The following CD163 variants were observed in gnomAD, a reference collection of about 807,000 sequenced individuals.
The protein encoded by CD163 is CD163 molecule.
In CD163, 64 loss-of-function variants were observed where a neutral mutation model predicts 129.2. That is an observed-to-expected ratio of 0.50 (90% CI 0.41 to 0.61). The LOEUF is 0.61. CD163 is among the 20% of genes least tolerant of loss of function. The pLI, the probability that CD163 is intolerant of heterozygous loss-of-function variation, is 0.00. For synonymous variants in CD163, 446 were observed against 478.5 expected (o/e 0.93, Z 0.89); for missense variants, 1,061 against 1,377.9 (o/e 0.77, Z 3.64).
At chr12:7,502,257 A>G in intron 2 of CD163, among the ~76,000 whole-genome samples, 1 of 152,156 alleles carries the variant, frequency 6.6e-6, no homozygotes, top group East Asian at 1.9e-4. Context: ...TTTAAGTAAA[A>G]TTCATTTCTC....
chr12:7,482,798 T>A, intron 13 of CD163, 36 bp from the exon 14 acceptor site: 1 of 1,611,210 alleles, frequency 6.2e-7, no homozygotes, highest in Non-Finnish European at 8.5e-7. Context: ...TATGATCATG[T>A]CTTATCGAAA....
chr12:7,502,680 C>A (rs753836632), intron 1 of CD163, 116 bp from the exon 2 acceptor site: 4 of 687,384 alleles, frequency 5.8e-6, no homozygotes, highest in East Asian at 2.7e-5. Context: ...GAAAACTCTT[C>A]ATTCTAAATT....
rs764303755 is a variant in CD163, at chr12:7,487,688, G to A, written c.1736-15C>T. The A allele has an allele frequency of 4.3e-6, 7 of 1,614,016 alleles. No individual in the cohort carries two copies. Among genetic ancestry groups the A allele is most frequent in the Non-Finnish European group, 5.9e-6 (7 of 1,179,990 alleles). ...TTCTGTGTATCCTGGAAGGAGACAG[G>A]GCTTTAGAAAAAGACAGCTATGACT... On this transcript the variant is annotated splice_polypyrimidine_tract_variant and intron_variant, in intron 7 of 16. Transcript: ENST00000432237. This position sits in a 1 kb window ranked among gnomAD's most constrained non-coding sequence, Gnocchi z 5.1.
intron 6 of CD163, among the ~76,000 whole-genome samples, chr12:7,488,630 A>C (rs1949288762): frequency 6.6e-6 from 1 of 152,164 alleles, no homozygotes; most frequent in Admixed American, 6.6e-5. Flanking sequence ...TGCTTTATCA[A>C]AACATTTCGT....
chr12:7,485,345 T>G lies in CD163; in HGVS notation c.2530A>C (p.Asn844His). ...TTGCCAACAGTGCCCCAAGCTCCAT[T>G]GTAAAAAACTTCCAGACGCCCTGCA... ...ACAGRLEVFY[N>H]GAWGTVGKSS... The change falls in exon 11 of 17, where the codon AAT becomes CAT. Residue 844 changes from asparagine (N) to histidine (H), a missense_variant. Asn to His is a moderately conservative substitution (Grantham distance 68). Coordinates refer to ENST00000432237, the MANE Select transcript of CD163 (RefSeq NM_203416.4). The surrounding 1 kb of genome is among the most constrained non-coding windows in gnomAD (Gnocchi z 4.5). 1 of 1,614,198 alleles carries G rather than the reference T, an allele frequency of 6.2e-7. No individual in the cohort carries two copies. The highest frequency in any genetic ancestry group is 8.5e-7 in the Non-Finnish European group (1 of 1,180,022).
intron 10 of CD163, 134 bp downstream of exon 10, chr12:7,486,365 C>G: frequency 1.2e-6 from 1 of 819,676 alleles, no homozygotes; most frequent in South Asian, 1.8e-5. Flanking sequence ...ACCCAGACTT[C>G]TGTTGTCCTG....
Position 7,496,913 on chromosome 12 carries a change from A to C in CD163, c.999T>G (p.Val333=). ...TAGCAGGTTCATGTCCCTGGCAAGA[A>C]ACGCTGTCAAGCCAGATGTGTCCAA... ...KGFGHIWLDS[V]SCQGHEPAIW... is the part of the protein sequence containing the mutation. The change falls in exon 5 of 17, where the codon GTT becomes GTG. Residue 333 remains valine, a synonymous_variant. Transcript: ENST00000432237. The surrounding 1 kb of genome is among the most constrained non-coding windows in gnomAD (Gnocchi z 4.8). The C allele has an allele frequency of 6.2e-7, 1 of 1,614,132 alleles. No individual in the cohort carries two copies. The highest frequency in any genetic ancestry group is 8.5e-7 in the Non-Finnish European group (1 of 1,179,992).
At chr12:7,499,579 T>C (rs1299694574) in intron 3 of CD163, among the ~76,000 whole-genome samples, 1 of 152,216 alleles carries the variant, frequency 6.6e-6, no homozygotes, top group African/African-American at 2.4e-5. Context: ...TTAACTCCAC[T>C]GGTAGTTATA....
chr12:7,489,695 T>C (rs1045812969), intron 6 of CD163, among the ~76,000 whole-genome samples: 1 of 152,080 alleles, frequency 6.6e-6, no homozygotes, highest in African/African-American at 2.4e-5. Context: ...CACTGTGTAA[T>C]TCCTGTGAGG....
chr12:7,496,982 T>G lies in CD163; in HGVS notation c.930A>C (p.Pro310=). 6.2e-7 allele frequency: 1 copy of G among 1,614,050 alleles called. No homozygotes were observed. The highest frequency in any genetic ancestry group is 1.1e-5 in the South Asian group (1 of 91,084). The part of the protein sequence containing the change: ...AAVACKQLGC[P]TAVTAIGRVN... ...CTCGACCAATGGCTGTGACGGCAGT[T>G]GGACATCCCAGTTGCTTGCATGCCA... is the stretch of plus-strand genomic sequence containing the variant. Residue 310 remains proline (P), a synonymous_variant, in exon 5 of 17, where the codon CCA becomes CCC. Transcript: ENST00000432237. This position sits in a 1 kb window ranked among gnomAD's most constrained non-coding sequence, Gnocchi z 4.8.
Position 7,501,455 on chromosome 12 carries a change from T to C in CD163, c.141A>G (p.Thr47=). ...ACFVTSSLGG[T]DKELRLVDGE... ...CATCCACTAGCCTCAGCTCCTTGTC[T>C]GTTCCTCCTGCAACAATGGATTAAG... The change falls in exon 3 of 17, where the codon ACA becomes ACG. Residue 47 remains threonine (T), a synonymous_variant. Transcript: ENST00000432237. 6.2e-7 allele frequency: 1 copy of C among 1,613,178 alleles called. No individual in the cohort carries two copies. The highest frequency in any genetic ancestry group is 8.5e-7 in the Non-Finnish European group (1 of 1,179,318).
Position 7,486,919 on chromosome 12 carries a change from T to C in CD163, c.2118A>G (p.Pro706=), listed in dbSNP as rs1034757605. ...CTATGCAGGCCACAGCACTTTCTTC[T>C]GGAATGGTAGGCCTTGTTGGGCCCA... ...SSLGPTRPTI[P]EESAVACIES... Residue 706 remains proline, a synonymous_variant, in exon 9 of 17, where the codon CCA becomes CCG. Coordinates refer to ENST00000432237, the MANE Select transcript of CD163 (RefSeq NM_203416.4). 2.5e-5 allele frequency: 41 copies of C among 1,614,012 alleles called. No individual in the cohort carries two copies. Among genetic ancestry groups the C allele is most frequent in the Non-Finnish European group, 3.5e-5 (41 of 1,179,964 alleles).
chr12:7,486,466 T>C (rs1949249760), intron 10 of CD163, 33 bp downstream of exon 10: 2 of 1,581,006 alleles, frequency 1.3e-6, no homozygotes, highest in African/African-American at 2.7e-5. Context: ...TTTCTCTATG[T>C]AATTATGACC....
chr12:7,488,055 T>A lies in CD163; in HGVS notation c.1453A>T (p.Ile485Phe). 6.2e-7 allele frequency: 1 copy of A among 1,613,772 alleles called. No homozygotes were observed. The highest frequency in any genetic ancestry group is 2.2e-5 in the East Asian group (1 of 44,828). Residue 485 changes from isoleucine to phenylalanine, a missense_variant, in exon 7 of 17, where the codon ATT (isoleucine) becomes TTT (phenylalanine). Physicochemically the swap from Ile to Phe is conservative, Grantham distance 21. Transcript: ENST00000432237. ...ACTTCAACACGTCCAGAACAGGGAA[T>A]GTCCCCTCCAACCAGTCTGGGTTCC... is the stretch of plus-strand genomic sequence containing the variant. Reference protein sequence around the residue: ...HREPRLVGGDIPCSGRVEVKH... With the variant: ...HREPRLVGGDFPCSGRVEVKH...
rs750921700 is a variant in CD163 at position 7,499,211 on chromosome 12, G to A, written c.458-23C>T. The A allele has an allele frequency of 1.3e-5, 20 of 1,571,562 alleles. No individual in the cohort carries two copies. In the Admixed American group the frequency reaches 2.8e-4, roughly 22 times the overall value. ...CATCTGGAGCAGAGAAAAGACCAGA[G>A]TTCAGAAGTTACATTCATTTAGAAG... On this transcript the variant is annotated intron_variant, in intron 3 of 16. Coordinates refer to ENST00000432237, the MANE Select transcript of CD163 (RefSeq NM_203416.4).
Position 7,502,595 on chromosome 12 carries a change from A to G in CD163, c.47-31T>C, listed in dbSNP as rs1318807574. 6 of 1,147,748 alleles carry G rather than the reference A, an allele frequency of 5.2e-6. No homozygotes were observed. In the East Asian group the frequency reaches 1.3e-4, roughly 24 times the overall value. 71.1% of individuals were successfully genotyped at this position (1,147,748 alleles called of 1,614,324 possible). On this transcript the variant is annotated intron_variant, in intron 1 of 16. Transcript: ENST00000432237. ...AAAAAGAAAAGAGGGCAAAAGTAGCATCTTCCCAAAAAGAGACTTTGGAGA... is the reference window on the plus strand; with the variant it reads ...AAAAAGAAAAGAGGGCAAAAGTAGCGTCTTCCCAAAAAGAGACTTTGGAGA...
At position 7,482,751 on chromosome 12, in the gene CD163, G is replaced by A. The variant is rs746144692; in HGVS notation, c.3139C>T (p.Arg1047Cys). Residue 1047 changes from arginine (R) to cysteine (C), a missense_variant, in exon 14 of 17, where the codon CGT (arginine) becomes TGT (cysteine). Arg to Cys is a radical substitution (Grantham distance 180). Coordinates refer to ENST00000432237, the MANE Select transcript of CD163 (RefSeq NM_203416.4). ...PQKATTGRSS[R>C]QSSFIAVGIL... is the part of the protein sequence containing the mutation. ...CCGACTGCAATAAAGGATGACTGAC[G>A]GGATGAGCGACCTAAGTAAAAGTAA... 14 of 1,613,862 alleles carry A rather than the reference G, an allele frequency of 8.7e-6. No individual in the cohort carries two copies. The South Asian group carries it at 8.8e-5, about 10-fold the overall frequency.
At position 7,487,432 on chromosome 12, in the gene CD163, C is replaced by T. The variant is rs1238087067; in HGVS notation, c.1977G>A (p.Met659Ile). 3 of 1,613,824 alleles carry T rather than the reference C, an allele frequency of 1.9e-6. No individual in the cohort carries two copies. The Admixed American group carries it at 5.0e-5, about 27-fold the overall frequency. Reference protein sequence around the residue: ...MFHCTGTEQHMGDCPVTALGA... With the variant: ...MFHCTGTEQHIGDCPVTALGA... ...CTAGAGCAGTTACAGGACAATCTCC[C>T]ATGTGCTGCTCAGTCCCAGTGCAGT... The change falls in exon 8 of 17, where the codon ATG (methionine) becomes ATA (isoleucine). Residue 659 changes from methionine to isoleucine, a missense_variant. Physicochemically the swap from Met to Ile is conservative, Grantham distance 10 (BLOSUM62 1). Transcript: ENST00000432237. The surrounding 1 kb of genome is among the most constrained non-coding windows in gnomAD (Gnocchi z 5.1).
At chr12:7,478,604 T>C (rs1369848362) in intron 16 of CD163, among the ~76,000 whole-genome samples, 1 of 152,104 alleles carries the variant, frequency 6.6e-6, no homozygotes, top group Admixed American at 6.6e-5. Context: ...CTAAGAACTC[T>C]ATGTATCTAT....
Sources: allele counts gnomAD v4.1 joint callset (sites outside exome capture counted in the v4.1 genomes callset), GRCh38; gene constraint gnomAD v4.1.1; non-coding constraint Gnocchi (gnomAD v3.1); transcripts MANE v1.5; gene names NCBI Gene and HGNC (gene_info 2026-07-23, HGNC 2026-07-21).